The following RPAP2 variants were observed in gnomAD, a reference collection of about 807,000 sequenced individuals.
RPAP2 encodes the protein RNA polymerase II associated protein 2.
A neutral mutation model predicts 73.1 loss-of-function variants in RPAP2; 52 were observed. The observed-to-expected ratio is 0.71, with a 90% confidence interval of 0.57 to 0.90. The LOEUF (loss-of-function observed/expected upper bound fraction) is 0.90, where lower values mean the gene tolerates loss of function less well. Among genes scored for constraint, RPAP2 ranks in the 40% least tolerant of loss-of-function variants. RPAP2 has a pLI of 0.00. For missense variants in RPAP2, 598 were observed against 701.8 expected (o/e 0.85, Z 1.67); for synonymous variants, 225 against 242.1 (o/e 0.93, Z 0.65).
chr1:92,313,946 T>C (rs1651747137), intron 6 of RPAP2, among the ~76,000 whole-genome samples: 1 of 152,228 alleles, frequency 6.6e-6, no homozygotes, highest in Non-Finnish European at 1.5e-5. Flanking sequence ...CCTATTCTTC[T>C]GCAGCTTCCT....
chr1:92,381,588 C>CTTTT lies in RPAP2; in HGVS notation c.1838+728_1838+731dup, dbSNP rs4000737. 8.3e-4 allele frequency among the ~76,000 whole-genome samples: 116 copies of CTTTT among 139,358 alleles called. 1 individual carries two copies. Among genetic ancestry groups the CTTTT allele is most frequent in the African/African-American group, 2.4e-3 (90 of 37,816 alleles). The allele number at this position is 139,358 out of a possible 152,430, so 91.4% of individuals were successfully genotyped here. Reference sequence around the variant, plus strand: ...AATGAGATTCTCTCAGGGAGATTTTCTTTTTTTTTTTTTTTTAACGTTTTT... The same window carrying CTTTT: ...AATGAGATTCTCTCAGGGAGATTTTCTTTTTTTTTTTTTTTTTTTTAACGTTTTT... On this transcript the variant is annotated intron_variant, in intron 12 of 12. Transcript: ENST00000610020.
In RPAP2 at chr1:92,320,667, A is replaced by G. The variant is rs757278771; in HGVS notation, c.524+33A>G. On this transcript the variant is annotated intron_variant, in intron 7 of 12. Coordinates refer to ENST00000610020, the MANE Select transcript of RPAP2 (RefSeq NM_024813.3). ...TGAATCAGTATCATTTACCATTTAT[A>G]TATTTATGTTAATAGAAACATTAGG... The G allele has an allele frequency of 1.5e-5, 23 of 1,556,234 alleles. No individual in the cohort carries two copies. The African/African-American group carries it at 2.3e-4, about 16-fold the overall frequency.
chr1:92,364,253 G>A (rs997024408), intron 11 of RPAP2, among the ~76,000 whole-genome samples: 3 of 152,136 alleles, frequency 2.0e-5, no homozygotes, highest in Non-Finnish European at 2.9e-5. Context: ...TATAGGTATG[G>A]AGAAAGCAGA....
intron 9 of RPAP2, among the ~76,000 whole-genome samples, chr1:92,335,236 C>T (rs764710773): frequency 1.7e-4 from 26 of 152,102 alleles, no homozygotes; most frequent in Non-Finnish European, 3.7e-4. Context: ...CCACTGCACT[C>T]CAGCCTGGGT....
chr1:92,328,379 G>A (rs1289309858), intron 8 of RPAP2, among the ~76,000 whole-genome samples: 1 of 152,088 alleles, frequency 6.6e-6, no homozygotes, highest in Non-Finnish European at 1.5e-5. Context: ...GTTGGACTGG[G>A]TTAATTCAAA....
In RPAP2 at chr1:92,398,194, G is replaced by A. The variant is rs1274070681; in HGVS notation, c.*11183G>A. 6.6e-6 allele frequency: 1 copy of A among 152,138 alleles called. No homozygotes were observed. The highest frequency in any genetic ancestry group is 1.5e-5 in the Non-Finnish European group (1 of 68,026). The allele number at this position is 152,138 out of a possible 1,614,324, so 9.4% of individuals were successfully genotyped here. The stretch of plus-strand genomic sequence containing the variant: ...ACTGAAGAGTATAACTGGATTGTTT[G>A]TAACACAAAGGATAAGTGCTTAAGA... On this transcript the variant is annotated 3_prime_UTR_variant, in exon 13 of 13. Coordinates refer to ENST00000610020, the MANE Select transcript of RPAP2 (RefSeq NM_024813.3).
Position 92,391,739 on chromosome 1 carries a change from C to T in RPAP2, c.*4728C>T, listed in dbSNP as rs868118315. 1.3e-5 allele frequency: 2 copies of T among 151,996 alleles called. No homozygotes were observed. Among genetic ancestry groups the T allele is most frequent in the African/African-American group, 4.8e-5 (2 of 41,402 alleles). The allele number at this position is 151,996 out of a possible 1,614,324, so 9.4% of individuals were successfully genotyped here. A position where few individuals can be genotyped will look rare whatever the true frequency, so the allele number is the denominator to read the frequency against. ...CCACAGAAATACAAACTACCATCAGCGAATACTATAAACACCTCTACACAA... is the reference window on the plus strand; with the variant it reads ...CCACAGAAATACAAACTACCATCAGTGAATACTATAAACACCTCTACACAA... On this transcript the variant is annotated 3_prime_UTR_variant, in exon 13 of 13. Transcript: ENST00000610020.
At chr1:92,352,420 GT>G (rs1279444535) in intron 11 of RPAP2, among the ~76,000 whole-genome samples, 2 of 148,420 alleles carry the variant, frequency 1.3e-5, no homozygotes, top group African/African-American at 5.0e-5. Flanking sequence ...ATGGAAAGAT[GT>G]GAGTAAGGCT....
chr1:92,335,007 A>T (rs1653195359), intron 9 of RPAP2, among the ~76,000 whole-genome samples: 1 of 151,952 alleles, frequency 6.6e-6, no homozygotes, highest in Admixed American at 6.6e-5. Context: ...AATAAAAATA[A>T]AAATTAATCG....
intron 2 of RPAP2, among the ~76,000 whole-genome samples, chr1:92,300,480 GTGTT>G (rs1650753839): frequency 6.6e-6 from 1 of 152,132 alleles, no homozygotes; most frequent in African/African-American, 2.4e-5. Flanking sequence ...TCTGTAGAAG[GTGTT>G]TGTTTTTCAC....
At chr1:92,371,319 A>AATAT (rs1553155688) in intron 11 of RPAP2, among the ~76,000 whole-genome samples, 33 of 61,690 alleles carry the variant, frequency 5.3e-4, no homozygotes, top group South Asian at 1.4e-3. Context: ...AAAAAAAAAA[A>AATAT]ATATATATAT....
rs1205526334 is a variant in RPAP2, at chr1:92,388,219, G to A, written c.*1208G>A. On this transcript the variant is annotated 3_prime_UTR_variant, in exon 13 of 13. Coordinates refer to ENST00000610020, the MANE Select transcript of RPAP2 (RefSeq NM_024813.3). ...CTTAGGAATAAATTTAACAAAATAA[G>A]TATAAGACTTGTATAACGAAAACTA... is the stretch of plus-strand genomic sequence containing the variant. The A allele has an allele frequency of 6.6e-6, 1 of 152,100 alleles. No individual in the cohort carries two copies. The highest frequency in any genetic ancestry group is 1.5e-5 in the Non-Finnish European group (1 of 68,032). 9.4% of individuals were successfully genotyped at this position (152,100 alleles called of 1,614,324 possible). A position where few individuals can be genotyped will look rare whatever the true frequency, so the allele number is the denominator to read the frequency against.
At chr1:92,327,091 C>G (rs1652678771) in intron 8 of RPAP2, among the ~76,000 whole-genome samples, 1 of 152,220 alleles carries the variant, frequency 6.6e-6, no homozygotes, top group African/African-American at 2.4e-5. Context: ...GTAGAATGTT[C>G]TGTAAATATC....
chr1:92,346,302 T>C (rs530129159), intron 11 of RPAP2, among the ~76,000 whole-genome samples: 1 of 152,206 alleles, frequency 6.6e-6, no homozygotes, highest in African/African-American at 2.4e-5. Context: ...TGGCTGGGAC[T>C]ATAGTCACAC....
chr1:92,314,615 C>A (rs976198364), intron 6 of RPAP2, among the ~76,000 whole-genome samples: 1 of 151,320 alleles, frequency 6.6e-6, no homozygotes, highest in African/African-American at 2.4e-5. Flanking sequence ...TGGTGGCATG[C>A]ACCTGTAATC....
intron 10 of RPAP2, among the ~76,000 whole-genome samples, chr1:92,345,379 TAAAAAAAA>T (rs57025975): frequency 1.4e-5 from 1 of 73,770 alleles, no homozygotes; most frequent in Non-Finnish European, 2.6e-5. Flanking sequence ...CCCGTTTCTT[TAAAAAAAA>T]AAAAAAAAAA....
At chr1:92,386,976 A>G (rs1655890560) in intron 12 of RPAP2, 35 bp from the exon 13 acceptor site, 2 of 1,578,216 alleles carry the variant, frequency 1.3e-6, no homozygotes, top group Non-Finnish European at 1.7e-6. Flanking sequence ...CTCCCAATAC[A>G]TGTTTTACTC....
intron 12 of RPAP2, among the ~76,000 whole-genome samples, chr1:92,385,640 ATTAATATG>A (rs1655835018): frequency 6.6e-6 from 1 of 152,172 alleles, no homozygotes; most frequent in Admixed American, 6.5e-5. Context: ...TACCTAGTAT[ATTAATATG>A]CTTTCAGTTG....
chr1:92,380,860 T>A lies in RPAP2; in HGVS notation c.1825T>A (p.Cys609Ser), dbSNP rs773000674. The A allele has an allele frequency of 1.9e-6, 3 of 1,577,542 alleles. No individual in the cohort carries two copies. In the African/African-American group the frequency reaches 4.1e-5, roughly 22 times the overall value. Residue 609 changes from cysteine to serine, a missense_variant, in exon 12 of 13, where the codon TGT becomes AGT. Around this residue, in one of 3 missense-constraint regions of RPAP2, gnomAD observed 15 missense variants for 33.3 expected, o/e 0.45. Coordinates refer to ENST00000610020, the MANE Select transcript of RPAP2 (RefSeq NM_024813.3). ...TCTAACCATCATATTTAGAACCAGC[T>A]GTTTACCAGAGTGGTAAGTTGGATT... The part of the protein sequence containing the change: ...ESLTIIFRTS[C>S]LPE
Sources: gnomAD v4.1 joint callset for allele counts (sites outside exome capture counted in the v4.1 genomes callset) on GRCh38, gnomAD v4.1.1 for gene constraint, gnomAD v4.1.1 regional missense constraint, MANE v1.5 for transcripts, NCBI Gene and HGNC (gene_info 2026-07-23, HGNC 2026-07-21) for gene names.